Variants in SEC22A observed in about 807,000 individuals in gnomAD.
SEC22A encodes the protein SEC22 homolog A, vesicle trafficking protein, also known as vesicle-trafficking protein SEC22a.
A neutral mutation model predicts 35.3 loss-of-function variants in SEC22A; 22 were observed. The ratio of observed to expected loss-of-function variants is 0.62; its 90% CI spans 0.45 to 0.89. The LOEUF (loss-of-function observed/expected upper bound fraction) is 0.89, where lower values mean the gene tolerates loss of function less well. Among genes scored for constraint, SEC22A ranks in the 40% least tolerant of loss-of-function variants. SEC22A has a pLI of 0.00. For synonymous variants in SEC22A, 119 were observed against 129.5 expected (o/e 0.92, Z 0.55); for missense variants, 354 against 362.5 (o/e 0.98, Z 0.19).
Position 123,247,596 on chromosome 3 carries a change from C to A in SEC22A, c.657+1582C>A, listed in dbSNP as rs555197778. 3.3e-5 allele frequency among the ~76,000 whole-genome samples: 5 copies of A among 152,282 alleles called. No individual in the cohort carries two copies. In the East Asian group the frequency reaches 9.6e-4, roughly 29 times the overall value. Reference sequence around the variant, plus strand: ...CTTGCTTTTGAGATACTGCAACAGGCTAAAACCTACCTGGTTTCCTAATTG... The same window carrying A: ...CTTGCTTTTGAGATACTGCAACAGGATAAAACCTACCTGGTTTCCTAATTG... On this transcript the variant is annotated intron_variant, in intron 5 of 6. Transcript: ENST00000492595.
chr3:123,261,208 G>T (rs992408690), intron 6 of SEC22A, among the ~76,000 whole-genome samples: 2 of 152,124 alleles, frequency 1.3e-5, no homozygotes, highest in African/African-American at 4.8e-5. Context: ...CAGATTTAAT[G>T]GTGATGAGTG....
chr3:123,231,370 A>G (rs1042039032), intron 4 of SEC22A, among the ~76,000 whole-genome samples: 4 of 152,258 alleles, frequency 2.6e-5, no homozygotes, highest in African/African-American at 4.8e-5. Flanking sequence ...GTTCTTCTCA[A>G]GTGCATGTGA....
chr3:123,228,575 T>TA (rs1937255629), intron 4 of SEC22A, among the ~76,000 whole-genome samples: 1 of 89,820 alleles, frequency 1.1e-5, no homozygotes. Flanking sequence ...AAACTCCATC[T>TA]CAAAAAAAAA....
intron 1 of SEC22A, among the ~76,000 whole-genome samples, chr3:123,205,350 G>A (rs1229897161): frequency 1.3e-5 from 2 of 152,308 alleles, no homozygotes; most frequent in Admixed American, 6.5e-5. Context: ...GACAGGGAAT[G>A]TAACTACTGT....
intron 3 of SEC22A, 47 bp downstream of exon 3, chr3:123,223,769 C>G: frequency 7.1e-7 from 1 of 1,408,916 alleles, no homozygotes; most frequent in Non-Finnish European, 9.7e-7. Context: ...TGCATCCAAT[C>G]ATAAGCAATT....
At chr3:123,247,351 A>G (rs1937575646) in intron 5 of SEC22A, among the ~76,000 whole-genome samples, 1 of 152,172 alleles carries the variant, frequency 6.6e-6, no homozygotes, top group Non-Finnish European at 1.5e-5. Flanking sequence ...ACTATCTTTG[A>G]CTTATAAAAC....
intron 4 of SEC22A, among the ~76,000 whole-genome samples, chr3:123,244,119 T>TAC: frequency 6.6e-6 from 1 of 152,018 alleles, no homozygotes; most frequent in South Asian, 2.1e-4. Context: ...TTTACTGAAG[T>TAC]AAAAAAAATA....
intron 5 of SEC22A, among the ~76,000 whole-genome samples, chr3:123,257,907 G>A (rs1365510177): frequency 3.3e-5 from 5 of 151,258 alleles, no homozygotes; most frequent in African/African-American, 9.7e-5. Context: ...CAGGAGAATC[G>A]CTTGAACCTG....
intron 2 of SEC22A, among the ~76,000 whole-genome samples, chr3:123,213,653 A>C (rs1005163972): frequency 1.3e-5 from 2 of 151,814 alleles, no homozygotes; most frequent in Admixed American, 6.6e-5. Context: ...CAGGGTTGTA[A>C]CTCATTGAGG....
chr3:123,254,156 A>G (rs192323935), intron 5 of SEC22A, among the ~76,000 whole-genome samples: 212 of 152,194 alleles, frequency 1.4e-3, no homozygotes, highest in Non-Finnish European at 2.2e-3. Context: ...TTGTGTGGCT[A>G]TTATATGAGG....
At chr3:123,227,305 C>T (rs1937232507) in intron 4 of SEC22A, among the ~76,000 whole-genome samples, 4 of 152,068 alleles carry the variant, frequency 2.6e-5, no homozygotes, top group Admixed American at 6.6e-5. Flanking sequence ...CTGTTCCTCC[C>T]TTCCTTCAGC....
chr3:123,213,937 A>G (rs987600139), intron 2 of SEC22A, among the ~76,000 whole-genome samples: 6 of 152,234 alleles, frequency 3.9e-5, no homozygotes, highest in Admixed American at 6.5e-5. Flanking sequence ...TAATCCCAGC[A>G]CTTTGGGAGG....
chr3:123,270,056 A>G (rs1340605295), intron 6 of SEC22A, among the ~76,000 whole-genome samples: 7 of 152,306 alleles, frequency 4.6e-5, no homozygotes, highest in South Asian at 2.1e-4. Flanking sequence ...ACAATGGGCA[A>G]AATCTGAATA....
At chr3:123,216,760 G>T (rs1937034020) in intron 2 of SEC22A, among the ~76,000 whole-genome samples, 1 of 152,158 alleles carries the variant, frequency 6.6e-6, no homozygotes, top group African/African-American at 2.4e-5. Context: ...TTTTCTATGA[G>T]ACATATTTGG....
At chr3:123,207,270 G>C (rs1441393619) in intron 1 of SEC22A, among the ~76,000 whole-genome samples, 4 of 152,138 alleles carry the variant, frequency 2.6e-5, no homozygotes, top group African/African-American at 9.7e-5. Flanking sequence ...ACACAGCAGT[G>C]AAAACTATCA....
Position 123,271,722 on chromosome 3 carries a change from A to T in SEC22A, c.924A>T (p.Ter308CysextTer52), listed in dbSNP as rs1222195323. 3 of 1,613,438 alleles carry T rather than the reference A, an allele frequency of 1.9e-6. No homozygotes were observed. Among genetic ancestry groups the T allele is most frequent in the Non-Finnish European group, 2.5e-6 (3 of 1,179,412 alleles). ...AQGKAPDYDV[*>C] ...GCAAGGCTCCCGATTATGATGTCTG[A>T]CACCATCCTTCAGATCTATTGCCTT... The change falls in exon 7 of 7, where the codon TGA becomes TGT. Residue 308 changes from the stop codon to cysteine, a stop_lost. Transcript: ENST00000492595.
intron 6 of SEC22A, among the ~76,000 whole-genome samples, chr3:123,263,490 A>G (rs1252436998): frequency 6.6e-6 from 1 of 152,176 alleles, no homozygotes; most frequent in African/African-American, 2.4e-5. Flanking sequence ...GGGCTTCAAC[A>G]TTTGAAGTAA....
intron 1 of SEC22A, chr3:123,202,256 T>C: frequency 6.5e-6 from 1 of 152,990 alleles, no homozygotes; most frequent in Non-Finnish European, 1.5e-5. Flanking sequence ...GCGCCTCGTC[T>C]GAGCCGCCTC....
At chr3:123,209,008 T>C (rs947587302) in intron 1 of SEC22A, 191 bp from the exon 2 acceptor site, 5 of 450,498 alleles carry the variant, frequency 1.1e-5, no homozygotes, top group African/African-American at 6.0e-5. Context: ...TTGGCCAGGC[T>C]GGTCTCAAAC....
Sources: allele counts gnomAD v4.1 joint callset (sites outside exome capture counted in the v4.1 genomes callset), GRCh38; gene constraint gnomAD v4.1.1; transcripts MANE v1.5; gene names NCBI Gene and HGNC (gene_info 2026-07-23, HGNC 2026-07-21).